Variants in BCL2L13 observed in about 807,000 individuals in gnomAD.
BCL2L13 encodes the protein BCL2 like 13, also known as bcl-2-like protein 13.
In BCL2L13, 13 loss-of-function variants were observed where a neutral mutation model predicts 25.8. That is an observed-to-expected ratio of 0.50 (90% CI 0.33 to 0.80). The LOEUF (loss-of-function observed/expected upper bound fraction) is 0.80. BCL2L13 is among the 30% of genes least tolerant of loss of function. BCL2L13 has a pLI of 0.02. For missense variants in BCL2L13, 504 were observed against 574.9 expected, an observed-to-expected ratio of 0.88 and a Z score of 1.26; for synonymous variants, 244 against 230.3, an observed-to-expected ratio of 1.06 and a Z score of -0.54.
intron 5 of BCL2L13, among the ~76,000 whole-genome samples, chr22:17,698,865 A>G (rs1270149242): frequency 1.3e-5 from 2 of 152,180 alleles, no homozygotes; most frequent in African/African-American, 4.8e-5. Context: ...TCTTTTCTGG[A>G]CATTTCAAAT....
At chr22:17,674,474 C>T (rs905398671) in intron 2 of BCL2L13, among the ~76,000 whole-genome samples, 2 of 151,918 alleles carry the variant, frequency 1.3e-5, no homozygotes, top group East Asian at 1.9e-4. Context: ...GGCATGGTTC[C>T]GGGCGCCTGT....
chr22:17,650,425 T>C (rs2058645006), intron 1 of BCL2L13, among the ~76,000 whole-genome samples: 1 of 152,270 alleles, frequency 6.6e-6, no homozygotes, highest in South Asian at 2.1e-4. Flanking sequence ...TTGTAGCCTA[T>C]GTCTCCTTTA....
chr22:17,722,160 T>G (rs2145825051), intron 6 of BCL2L13, among the ~76,000 whole-genome samples: 1 of 152,328 alleles, frequency 6.6e-6, no homozygotes, highest in Admixed American at 6.5e-5. Flanking sequence ...CAGAGTTATC[T>G]TTGCCACAAA....
intron 5 of BCL2L13, among the ~76,000 whole-genome samples, chr22:17,699,271 G>A (rs1453386687): frequency 1.3e-5 from 2 of 152,154 alleles, no homozygotes; most frequent in African/African-American, 2.4e-5. Flanking sequence ...AGTCACAGAA[G>A]GGTTAAATAG....
chr22:17,726,345 C>T (rs866390490), intron 6 of BCL2L13, among the ~76,000 whole-genome samples: 1 of 84,100 alleles, frequency 1.2e-5, no homozygotes, highest in Admixed American at 1.3e-4. Flanking sequence ...AGCAAGACTC[C>T]ATCTTAAAAA....
At chr22:17,630,197 A>G (rs879408585) in intron 1 of BCL2L13, among the ~76,000 whole-genome samples, 4 of 150,190 alleles carry the variant, frequency 2.7e-5, no homozygotes, top group Non-Finnish European at 5.9e-5. Flanking sequence ...AGCCTGGGCA[A>G]TAAGAGTGAG....
At chr22:17,648,486 C>T (rs1031731220) in intron 1 of BCL2L13, among the ~76,000 whole-genome samples, 1 of 151,716 alleles carries the variant, frequency 6.6e-6, no homozygotes, top group Non-Finnish European at 1.5e-5. Flanking sequence ...TCACTTGGGG[C>T]CTGGAGTTTG....
At chr22:17,649,750 G>A (rs1246231856) in intron 1 of BCL2L13, among the ~76,000 whole-genome samples, 2 of 151,896 alleles carry the variant, frequency 1.3e-5, no homozygotes, top group South Asian at 2.1e-4. Context: ...TGATGCACCC[G>A]CCTCGGCCTC....
chr22:17,656,627 G>A (rs1233972151), intron 2 of BCL2L13, among the ~76,000 whole-genome samples: 4 of 151,828 alleles, frequency 2.6e-5, no homozygotes, highest in Non-Finnish European at 5.9e-5. Flanking sequence ...GATTATGGGT[G>A]TGAGCCACGG....
In BCL2L13 at chr22:17,655,707, A is replaced by G; in HGVS notation, c.-5A>G. On this transcript the variant is annotated 5_prime_UTR_variant, in exon 2 of 7. Coordinates refer to ENST00000317582, the MANE Select transcript of BCL2L13 (RefSeq NM_015367.4). Reference sequence around the variant, plus strand: ...GACCTTTTTGGAGCCTCACCAGCCAATTCAATGGCGTCCTCTTCTACTGTG... The same window carrying G: ...GACCTTTTTGGAGCCTCACCAGCCAGTTCAATGGCGTCCTCTTCTACTGTG... 5 of 1,611,318 alleles carry G rather than the reference A, an allele frequency of 3.1e-6. No individual in the cohort carries two copies. Among genetic ancestry groups the G allele is most frequent in the Non-Finnish European group, 4.2e-6 (5 of 1,178,738 alleles).
intron 1 of BCL2L13, among the ~76,000 whole-genome samples, chr22:17,653,081 A>G (rs1044960373): frequency 5.3e-5 from 8 of 152,116 alleles, no homozygotes; most frequent in African/African-American, 1.9e-4. Context: ...AAGAGAAAAA[A>G]CAGAGTGGTC....
chr22:17,703,318 T>C (rs1367545179), intron 6 of BCL2L13: 2 of 152,232 alleles, frequency 1.3e-5, no homozygotes, highest in South Asian at 2.1e-4. Flanking sequence ...GTATTTTAAA[T>C]CTTTCAGTCA....
At chr22:17,716,813 T>C (rs2060958773) in intron 6 of BCL2L13, among the ~76,000 whole-genome samples, 1 of 152,218 alleles carries the variant, frequency 6.6e-6, no homozygotes. Context: ...ATTCATCTTT[T>C]CTCCTCTAAG....
chr22:17,632,466 T>C (rs547154451), intron 1 of BCL2L13, among the ~76,000 whole-genome samples: 2 of 152,260 alleles, frequency 1.3e-5, no homozygotes, highest in East Asian at 1.9e-4. Context: ...TCATTCTTCA[T>C]TGTCCTAAAA....
chr22:17,651,465 T>G (rs2058685078), intron 1 of BCL2L13, among the ~76,000 whole-genome samples: 1 of 151,266 alleles, frequency 6.6e-6, no homozygotes, highest in Admixed American at 6.6e-5. Context: ...TACTGCAAGC[T>G]CCGCCTCCCA....
chr22:17,718,466 G>C (rs989269167), intron 6 of BCL2L13, among the ~76,000 whole-genome samples: 9 of 152,146 alleles, frequency 5.9e-5, no homozygotes, highest in African/African-American at 2.2e-4. Flanking sequence ...TGGATATATA[G>C]ACTTTATGTA....
At chr22:17,649,666 C>T (rs1414070597) in intron 1 of BCL2L13, among the ~76,000 whole-genome samples, 2 of 151,102 alleles carry the variant, frequency 1.3e-5, no homozygotes, top group African/African-American at 4.9e-5. Flanking sequence ...CCATGTCTGG[C>T]TAATTTTTGT....
intron 3 of BCL2L13, among the ~76,000 whole-genome samples, chr22:17,684,983 C>T (rs1030457454): frequency 1.3e-5 from 2 of 152,228 alleles, no homozygotes; most frequent in Middle Eastern, 6.8e-3. Flanking sequence ...TTTCTGCCCG[C>T]CTTGGCCTCC....
At chr22:17,688,539 CTTA>C (rs1316703065) in intron 3 of BCL2L13, among the ~76,000 whole-genome samples, 1 of 152,038 alleles carries the variant, frequency 6.6e-6, no homozygotes, top group Non-Finnish European at 1.5e-5. Flanking sequence ...AATTGATTAG[CTTA>C]TTATAACATG....
Sources: gnomAD v4.1 joint callset for allele counts (sites outside exome capture counted in the v4.1 genomes callset) on GRCh38, gnomAD v4.1.1 for gene constraint, MANE v1.5 for transcripts, NCBI Gene and HGNC (gene_info 2026-07-23, HGNC 2026-07-21) for gene names.